The following TBX22 variants were observed in gnomAD, a reference collection of about 807,000 sequenced individuals.
The protein encoded by TBX22 is T-box transcription factor 22, also known as T-box transcription factor TBX22.
In TBX22, 8 loss-of-function variants were observed where a neutral mutation model predicts 30.1. The ratio of observed to expected loss-of-function variants is 0.27; its 90% CI spans 0.16 to 0.48. TBX22 has a LOEUF of 0.48. TBX22 is among the 20% of genes least tolerant of loss of function. The pLI, the probability that TBX22 is intolerant of heterozygous loss-of-function variation, is 0.99. For missense variants in TBX22, 463 were observed against 400.5 expected (o/e 1.16, Z -1.33); for synonymous variants, 173 against 149.1 (o/e 1.16, Z -1.17).
intron 1 of TBX22, among the ~76,000 whole-genome samples, chrX:80,017,986 T>A (rs1249455486): frequency 8.9e-6 from 1 of 111,988 alleles, no homozygotes; most frequent in Non-Finnish European, 1.9e-5. Flanking sequence ...ATCCTCCCCA[T>A]GAGAAGAACA....
In TBX22 at chrX:80,026,780, A is replaced by C. The variant is rs992907062; in HGVS notation, c.710A>C (p.Gln237Pro). 11 of 1,209,568 alleles carry C rather than the reference A, an allele frequency of 9.1e-6. 1 individual carries two copies. Among genetic ancestry groups the C allele is most frequent in the Admixed American group, 2.2e-5 (1 of 45,757 alleles). The change falls in exon 6 of 9, where the codon CAG (glutamine) becomes CCG (proline). Residue 237 changes from glutamine to proline, a missense_variant. By Grantham distance (76) the Gln-to-Pro change is moderately conservative. Coordinates refer to ENST00000373296, the MANE Select transcript of TBX22 (RefSeq NM_001109878.2). The stretch of plus-strand genomic sequence containing the variant: ...CAAGGCAGCAGTGTTGACCTGTCCC[A>C]GATTCAGTCCTTGCCCACTGAAGGT... ...IEQGSSVDLS[Q>P]IQSLPTEGVK...
At position 80,031,175 on chromosome X, in the gene TBX22, G is replaced by T; in HGVS notation, c.*64G>T. ...AATATTTTCTTTATTTGTAGCCAAA[G>T]AAATTTCAACAGTTATTGGGCTTAA... On this transcript the variant is annotated 3_prime_UTR_variant, in exon 9 of 9. Coordinates refer to ENST00000373296, the MANE Select transcript of TBX22 (RefSeq NM_001109878.2). 1.9e-6 allele frequency: 2 copies of T among 1,073,436 alleles called. No individual in the cohort carries two copies. Among genetic ancestry groups the T allele is most frequent in the South Asian group, 3.9e-5 (2 of 50,741 alleles). 88.5% of individuals were successfully genotyped at this position (1,073,436 alleles called of 1,213,427 possible).
intron 1 of TBX22, among the ~76,000 whole-genome samples, chrX:80,016,379 A>G (rs931775374): frequency 1.8e-5 from 2 of 111,838 alleles, no homozygotes; most frequent in Admixed American, 9.5e-5. Context: ...GAGCCAGATG[A>G]TGACTCACTG....
rs1331608078 is a variant in TBX22, at chrX:80,022,427, G to A, written c.158G>A (p.Gly53Glu). 1 of 1,189,222 alleles carries A rather than the reference G, an allele frequency of 8.4e-7. No individual in the cohort carries two copies. Among genetic ancestry groups the A allele is most frequent in the African/African-American group, 1.8e-5 (1 of 56,942 alleles). ...GAGGAGAGAAGGAGCAGCGCTGCAGGGAAGAGCGAGCCGCTTGGTAAGTAC... is the reference window on the plus strand; with the variant it reads ...GAGGAGAGAAGGAGCAGCGCTGCAGAGAAGAGCGAGCCGCTTGGTAAGTAC... ...EEEERRSSAA[G>E]KSEPLEKQPK... Residue 53 changes from glycine (G) to glutamate (E), a missense_variant, in exon 2 of 9, where the codon GGG (glycine) becomes GAG (glutamate). By Grantham distance (98) the Gly-to-Glu change is moderately conservative. Transcript: ENST00000373296.
chrX:80,023,507 C>CA (rs1183176973), intron 3 of TBX22, among the ~76,000 whole-genome samples: 1 of 111,124 alleles, frequency 9.0e-6, no homozygotes, highest in Non-Finnish European at 1.9e-5. Flanking sequence ...TAGTATAAGA[C>CA]AAAAATCAGA....
At chrX:80,029,971 AC>A (rs1924166544) in intron 8 of TBX22, among the ~76,000 whole-genome samples, 3 of 111,674 alleles carry the variant, frequency 2.7e-5, no homozygotes, top group Non-Finnish European at 5.6e-5. Context: ...GTGGTCCCCA[AC>A]CTTTTTGGTA....
At chrX:80,023,341 C>T in intron 3 of TBX22, 101 bp downstream of exon 3, 1 of 828,107 alleles carries the variant, frequency 1.2e-6, no homozygotes, top group South Asian at 2.2e-5. Flanking sequence ...CTCTGGTACT[C>T]CTCTGTCCCT....
chrX:80,021,437 T>G (rs977318391), intron 1 of TBX22, among the ~76,000 whole-genome samples: 15 of 111,592 alleles, frequency 1.3e-4, no homozygotes, highest in African/African-American at 4.9e-4. Context: ...AATTTGAGAC[T>G]CCAACTGCAG....
chrX:80,018,596 G>A lies in TBX22; in HGVS notation c.-2-3672G>A, dbSNP rs1168603717. 4.5e-5 allele frequency among the ~76,000 whole-genome samples: 5 copies of A among 111,849 alleles called. No homozygotes were observed. The Admixed American group carries it at 4.8e-4, about 11-fold the overall frequency. On this transcript the variant is annotated intron_variant, in intron 1 of 8. Transcript: ENST00000373296. ...TTCACAGCTGTATAGTTGATAGAAA[G>A]ATTAGCACATTCTTGAAATTAACTC...
rs200010645 is a variant in TBX22, at chrX:80,017,278, T to TTTTG, written c.-3+2393_-3+2396dup. The stretch of plus-strand genomic sequence containing the variant: ...AGGTTTGACACTAGTTTGGTGTTGT[T>TTTTG]TTTGTGTGTGTGTGTGTGTGTGTGT... On this transcript the variant is annotated intron_variant, in intron 1 of 8. Transcript: ENST00000373296. 2.4e-3 allele frequency among the ~76,000 whole-genome samples: 171 copies of TTTTG among 70,416 alleles called. 2 individuals are homozygous for TTTTG. The highest frequency in any genetic ancestry group is 0.012 in the African/African-American group (169 of 14,262). 61.1% of individuals were successfully genotyped at this position (70,416 alleles called of 115,157 possible). A position where few individuals can be genotyped will look rare whatever the true frequency, so the allele number is the denominator to read the frequency against.
At chrX:80,019,630 G>A (rs949099638) in intron 1 of TBX22, among the ~76,000 whole-genome samples, 10 of 111,120 alleles carry the variant, frequency 9.0e-5, no homozygotes, top group Middle Eastern at 4.6e-3. Flanking sequence ...ATTAGTACAT[G>A]CGCCTCAGGC....
chrX:80,022,817 T>TA (rs1204799825), intron 2 of TBX22, among the ~76,000 whole-genome samples: 6,943 of 64,058 alleles, frequency 0.11, 632 homozygotes, highest in East Asian at 0.46. Context: ...TTGGCAAATC[T>TA]AAAAAAAAAA....
chrX:80,022,506 T>A, intron 2 of TBX22, 62 bp downstream of exon 2: 1 of 1,104,898 alleles, frequency 9.1e-7, no homozygotes, highest in Non-Finnish European at 1.2e-6. Flanking sequence ...TCTCTCCGCC[T>A]GGCTCGCGTC....
At chrX:80,015,884 C>T (rs1235870677) in intron 1 of TBX22, among the ~76,000 whole-genome samples, 1 of 111,857 alleles carries the variant, frequency 8.9e-6, no homozygotes, top group Non-Finnish European at 1.9e-5. Flanking sequence ...GAGCATTGAT[C>T]AGGGTTTACT....
intron 5 of TBX22, among the ~76,000 whole-genome samples, chrX:80,026,213 T>G (rs1047793328): frequency 9.0e-6 from 1 of 111,431 alleles, no homozygotes; most frequent in African/African-American, 3.3e-5. Flanking sequence ...ATCCTGGAAA[T>G]CTCCCAAACA....
At chrX:80,025,074 T>G (rs983109932) in intron 4 of TBX22, among the ~76,000 whole-genome samples, 41 of 112,204 alleles carry the variant, frequency 3.7e-4, no homozygotes, top group African/African-American at 1.3e-3. Context: ...CTTCTCAAAT[T>G]GCAGCTGGCT....
Position 80,026,931 on chromosome X carries a change from T to C in TBX22, c.798+63T>C, listed in dbSNP as rs1050694566. The C allele has an allele frequency of 9.2e-6, 10 of 1,085,941 alleles. No individual in the cohort carries two copies. The East Asian group carries it at 3.0e-4, about 33-fold the overall frequency. 89.5% of individuals were successfully genotyped at this position (1,085,941 alleles called of 1,213,427 possible). ...CCAGAGGGACCTTGGATTAGAGGCA[T>C]AGAGGCTAACTGCCATCAATTGCAT... On this transcript the variant is annotated intron_variant, in intron 6 of 8. Coordinates refer to ENST00000373296, the MANE Select transcript of TBX22 (RefSeq NM_001109878.2).
At chrX:80,019,258 A>C (rs1409992154) in intron 1 of TBX22, among the ~76,000 whole-genome samples, 2 of 110,467 alleles carry the variant, frequency 1.8e-5, no homozygotes, top group African/African-American at 6.6e-5. Flanking sequence ...CTCTGCTTTC[A>C]TTAAAGTGTT....
At chrX:80,022,908 C>G (rs913287015) in intron 2 of TBX22, 152 bp from the exon 3 acceptor site, 7 of 548,559 alleles carry the variant, frequency 1.3e-5, no homozygotes, top group Middle Eastern at 5.3e-4. Context: ...TAAGCGGCCA[C>G]AGAGGGTGTT....
Sources: gnomAD v4.1 joint callset for allele counts (sites outside exome capture counted in the v4.1 genomes callset) on GRCh38, gnomAD v4.1.1 for gene constraint, MANE v1.5 for transcripts, NCBI Gene and HGNC (gene_info 2026-07-23, HGNC 2026-07-21) for gene names.